The following ATP2C1 variants were observed in gnomAD, a reference collection of about 807,000 sequenced individuals.
The protein encoded by ATP2C1 is calcium-transporting ATPase type 2C member 1.
Under a neutral mutation model 120.5 loss-of-function variants are expected in ATP2C1, and 31 were observed. The observed-to-expected ratio is 0.26, with a 90% CI of 0.19 to 0.35. The LOEUF (loss-of-function observed/expected upper bound fraction) is 0.35. ATP2C1 is among the 10% of genes least tolerant of loss of function. The pLI, the probability that ATP2C1 is intolerant of heterozygous loss-of-function variation, is 1.00. For missense variants in ATP2C1, 731 were observed against 1,107.5 expected, an observed-to-expected ratio of 0.66 and a Z score of 4.83; for synonymous variants, 351 against 358.7, an observed-to-expected ratio of 0.98 and a Z score of 0.24.
intron 20 of ATP2C1, among the ~76,000 whole-genome samples, chr3:130,985,896 G>T (rs1033705095): frequency 6.6e-6 from 1 of 152,056 alleles, no homozygotes; most frequent in Admixed American, 6.5e-5. Context: ...ATGTGGCACT[G>T]CTGTTTTTGA....
chr3:130,958,313 G>A (rs920028187), intron 11 of ATP2C1, among the ~76,000 whole-genome samples: 1 of 151,824 alleles, frequency 6.6e-6, no homozygotes, highest in African/African-American at 2.4e-5. Flanking sequence ...TTTGCCATTA[G>A]CATGAAAGCA....
At chr3:130,893,959 G>C, upstream of ATP2C1, 1 of 985,700 alleles carries the variant, frequency 1.0e-6, no homozygotes, top group Non-Finnish European at 1.2e-6. Flanking sequence ...GAATGCGCCT[G>C]CGCGCACCTC....
intron 1 of ATP2C1, among the ~76,000 whole-genome samples, chr3:130,875,968 G>C (rs1266708174): frequency 1.3e-5 from 2 of 150,194 alleles, no homozygotes; most frequent in Non-Finnish European, 3.0e-5. Flanking sequence ...AAATATTTGA[G>C]TTTTTTTTGG....
chr3:130,878,924 C>T (rs913571353), intron 1 of ATP2C1, among the ~76,000 whole-genome samples: 2 of 152,120 alleles, frequency 1.3e-5, no homozygotes, highest in African/African-American at 4.8e-5. Context: ...TATATCACTC[C>T]TAAAATTTGG....
chr3:130,955,070 A>G lies in ATP2C1; in HGVS notation c.746A>G (p.Gln249Arg). ...TTTGGGGAGGTTTTTAAAATGATGC[A>G]AGCAGAAGAGGTGAGTACTTAATAT... is the stretch of plus-strand genomic sequence containing the variant. ...SEFGEVFKMMQAEEAPKTPLQ... is the reference protein window; with the variant it reads ...SEFGEVFKMMRAEEAPKTPLQ... The change falls in exon 10 of 28, where the codon CAA (glutamine) becomes CGA (arginine). Residue 249 changes from glutamine to arginine, a missense_variant. By Grantham distance (43) the Gln-to-Arg change is conservative. Around this residue, in one of 3 missense-constraint regions of ATP2C1, gnomAD observed 571 missense variants for 845.9 expected, o/e 0.67. Transcript: ENST00000510168. 1 of 1,607,746 alleles carries G rather than the reference A, an allele frequency of 6.2e-7. No homozygotes were observed. The highest frequency in any genetic ancestry group is 8.5e-7 in the Non-Finnish European group (1 of 1,174,560).
chr3:131,014,099 A>G, intron 26 of ATP2C1: 1 of 1,603,228 alleles, frequency 6.2e-7, no homozygotes, highest in Non-Finnish European at 8.5e-7. Flanking sequence ...CTAAGTTTTC[A>G]ACCATTAACA....
At chr3:130,983,989 G>T (rs943634076) in intron 20 of ATP2C1, among the ~76,000 whole-genome samples, 1 of 152,130 alleles carries the variant, frequency 6.6e-6, no homozygotes, top group Non-Finnish European at 1.5e-5. Flanking sequence ...AGGTTTTTGC[G>T]TAGACATAAG....
At chr3:130,924,137 TTTTG>T (rs1309530744) in intron 2 of ATP2C1, among the ~76,000 whole-genome samples, 1 of 116,194 alleles carries the variant, frequency 8.6e-6, no homozygotes, top group African/African-American at 2.5e-5. Context: ...TCCCTTAGTT[TTTTG>T]TTTTTGTTTT....
rs567595848 is a variant in ATP2C1, at chr3:130,923,740, G to A, written c.7-6676G>A. On this transcript the variant is annotated intron_variant, in intron 2 of 27. Transcript: ENST00000510168. Reference sequence around the variant, plus strand: ...AAATTAGCCAGGTGTGGTGGCTCACGCCTGTAATCCCAGCTACTTGGGAGG... The same window carrying A: ...AAATTAGCCAGGTGTGGTGGCTCACACCTGTAATCCCAGCTACTTGGGAGG... 4.6e-5 allele frequency among the ~76,000 whole-genome samples: 7 copies of A among 151,152 alleles called. No homozygotes were observed. In the South Asian group the frequency reaches 6.3e-4, roughly 14 times the overall value.
At chr3:130,926,755 C>T (rs1323973909) in intron 2 of ATP2C1, among the ~76,000 whole-genome samples, 1 of 152,276 alleles carries the variant, frequency 6.6e-6, no homozygotes, top group African/African-American at 2.4e-5. Context: ...CCTTCCAACT[C>T]CATGTGTATT....
intron 1 of ATP2C1, among the ~76,000 whole-genome samples, chr3:130,870,849 C>T (rs534272176): frequency 5.6e-4 from 85 of 152,264 alleles, no homozygotes; most frequent in African/African-American, 1.9e-3. Context: ...TTCTACTATG[C>T]TACTAAACAG....
intron 1 of ATP2C1, among the ~76,000 whole-genome samples, chr3:130,858,223 C>T (rs1276430904): frequency 6.6e-6 from 1 of 152,106 alleles, no homozygotes; most frequent in Non-Finnish European, 1.5e-5. Flanking sequence ...TTTGGCAATA[C>T]CCTCATAGAC....
At chr3:130,963,158 A>G (rs1216067505) in intron 12 of ATP2C1, 1 of 152,062 alleles carries the variant, frequency 6.6e-6, no homozygotes, top group Admixed American at 6.6e-5. Flanking sequence ...GTGATAAAAT[A>G]CGCATATTAT....
At chr3:130,858,410 CAGTT>C (rs965066586) in intron 1 of ATP2C1, among the ~76,000 whole-genome samples, 27 of 152,226 alleles carry the variant, frequency 1.8e-4, no homozygotes, top group African/African-American at 5.8e-4. Flanking sequence ...TATCCTCCCT[CAGTT>C]AGTATCTACT....
chr3:131,013,883 T>G, intron 26 of ATP2C1: 1 of 528,712 alleles, frequency 1.9e-6, no homozygotes, highest in Non-Finnish European at 3.3e-6. Flanking sequence ...GCTTCTTAAA[T>G]CAGGTTGTAT....
intron 4 of ATP2C1, among the ~76,000 whole-genome samples, chr3:130,932,861 C>G (rs1164503802): frequency 6.6e-6 from 1 of 152,098 alleles, no homozygotes; most frequent in African/African-American, 2.4e-5. Flanking sequence ...TTCTAAAGTG[C>G]CTTTTCTGCT....
chr3:130,987,292 G>A lies in ATP2C1; in HGVS notation c.1840-5659G>A, dbSNP rs72985791. 1.8e-3 allele frequency among the ~76,000 whole-genome samples: 272 copies of A among 147,694 alleles called. 1 individual carries two copies. The highest frequency in any genetic ancestry group is 6.5e-3 in the African/African-American group (262 of 40,014). Reference sequence around the variant, plus strand: ...GGGTTATAGGCATGAGCCACTGCACGTAGCCTCGTCTTCTGCTTTCCTTTG... The same window carrying A: ...GGGTTATAGGCATGAGCCACTGCACATAGCCTCGTCTTCTGCTTTCCTTTG... On this transcript the variant is annotated intron_variant, in intron 20 of 27. Transcript: ENST00000510168.
chr3:130,987,107 TA>T (rs756019367), intron 20 of ATP2C1, among the ~76,000 whole-genome samples: 2,749 of 136,748 alleles, frequency 0.02, 38 homozygotes, highest in African/African-American at 0.051. Context: ...CTTGGGTAAT[TA>T]AAAAAAAAAA....
intron 17 of ATP2C1, among the ~76,000 whole-genome samples, chr3:130,972,833 T>G (rs1336171921): frequency 1.3e-5 from 2 of 151,896 alleles, no homozygotes; most frequent in Non-Finnish European, 1.5e-5. Context: ...CATGGTGTAT[T>G]AAATACAAGT....
Sources: gnomAD v4.1 joint callset for allele counts (sites outside exome capture counted in the v4.1 genomes callset) on GRCh38, gnomAD v4.1.1 for gene constraint, gnomAD v4.1.1 regional missense constraint, MANE v1.5 for transcripts, NCBI Gene and HGNC (gene_info 2026-07-23, HGNC 2026-07-21) for gene names.